The following ADAMTS2 variants were observed in gnomAD, a reference collection of about 807,000 sequenced individuals.
The protein encoded by ADAMTS2 is A disintegrin and metalloproteinase with thrombospondin motifs 2.
In ADAMTS2, 50 loss-of-function variants were observed where a neutral mutation model predicts 123.0. The ratio of observed to expected loss-of-function variants is 0.41; its 90% CI spans 0.32 to 0.51. The LOEUF (loss-of-function observed/expected upper bound fraction) is 0.51. ADAMTS2 is among the 20% of genes least tolerant of loss of function. The pLI, the probability that ADAMTS2 is intolerant of heterozygous loss-of-function variation, is 0.35. For synonymous variants in ADAMTS2, 678 were observed against 695.4 expected (o/e 0.98, Z 0.39); for missense variants, 1,494 against 1,705.2 (o/e 0.88, Z 2.18).
intron 3 of ADAMTS2, among the ~76,000 whole-genome samples, chr5:179,223,464 G>C (rs1053848063): frequency 4.9e-5 from 7 of 142,934 alleles, no homozygotes; most frequent in Non-Finnish European, 9.1e-5. Context: ...ACTCACACAC[G>C]AATGCACTCA....
At chr5:179,145,505 G>A (rs1763236317) in intron 10 of ADAMTS2, among the ~76,000 whole-genome samples, 1 of 152,192 alleles carries the variant, frequency 6.6e-6, no homozygotes, top group Non-Finnish European at 1.5e-5. Flanking sequence ...TACCCACACA[G>A]TGGATTAGTA....
At position 179,153,566 on chromosome 5, in the gene ADAMTS2, C is replaced by G. The variant is rs1177012501; in HGVS notation, c.1440G>C (p.Gln480His). 2 of 1,609,624 alleles carry G rather than the reference C, an allele frequency of 1.2e-6. No individual in the cohort carries two copies. Among genetic ancestry groups the G allele is most frequent in the Non-Finnish European group, 1.7e-6 (2 of 1,179,798 alleles). Residue 480 changes from glutamine to histidine, a missense_variant, in exon 9 of 22, where the codon CAG becomes CAC. Gln to His is a conservative substitution (Grantham distance 24). Coordinates refer to ENST00000251582, the MANE Select transcript of ADAMTS2 (RefSeq NM_014244.5). ...TCATGGAGTAGTGCAGTCCCGGGAGCTGGGGCAGCGCCGGCCAGTCGTGGG... is the reference window on the plus strand; with the variant it reads ...TCATGGAGTAGTGCAGTCCCGGGAGGTGGGGCAGCGCCGGCCAGTCGTGGG... ...PFAHDWPALP[Q>H]LPGLHYSMNE...
chr5:179,160,977 G>T (rs1763581703), intron 5 of ADAMTS2, among the ~76,000 whole-genome samples: 1 of 152,178 alleles, frequency 6.6e-6, no homozygotes. Context: ...TGTCACCTAG[G>T]ACCTGAGTGA....
chr5:179,292,943 G>A (rs190053364), intron 2 of ADAMTS2, among the ~76,000 whole-genome samples: 9 of 152,306 alleles, frequency 5.9e-5, no homozygotes, highest in Admixed American at 4.6e-4. Flanking sequence ...GCCATCCAAA[G>A]AGAAGCCCTC....
Position 179,170,168 on chromosome 5 carries a change from A to G in ADAMTS2, c.975+10904T>C, listed in dbSNP as rs1763786395. On this transcript the variant is annotated intron_variant, in intron 5 of 21. Transcript: ENST00000251582. The surrounding 1 kb of genome is among the most constrained non-coding windows in gnomAD (Gnocchi z 4.3). ...TTTTAGGAAAAACTTGAGATAACTC[A>G]GAGGCTTCTCATAAGCTAGAAGACA... 6.6e-6 allele frequency among the ~76,000 whole-genome samples: 1 copy of G among 152,252 alleles called. No individual in the cohort carries two copies. The highest frequency in any genetic ancestry group is 1.5e-5 in the Non-Finnish European group (1 of 68,050).
chr5:179,338,451 A>T (rs1426019019), intron 2 of ADAMTS2, among the ~76,000 whole-genome samples: 2 of 152,172 alleles, frequency 1.3e-5, no homozygotes, highest in Non-Finnish European at 2.9e-5. Flanking sequence ...ACTGCGCTGC[A>T]CTGCTGGATC....
rs1205513621 is a variant in ADAMTS2, at chr5:179,175,446, G to A, written c.975+5626C>T. 6.6e-6 allele frequency among the ~76,000 whole-genome samples: 1 copy of A among 152,196 alleles called. No homozygotes were observed. Among genetic ancestry groups the A allele is most frequent in the Non-Finnish European group, 1.5e-5 (1 of 68,036 alleles). On this transcript the variant is annotated intron_variant, in intron 5 of 21. Transcript: ENST00000251582. This position sits in a 1 kb window ranked among gnomAD's most constrained non-coding sequence, Gnocchi z 4.1. ...GGACAGCATTTGTGTCTTCATTTGT[G>A]ATCACTTTCTTCCTATCATTAATCA...
At chr5:179,322,492 A>C (rs1192309521) in intron 2 of ADAMTS2, among the ~76,000 whole-genome samples, 1 of 152,174 alleles carries the variant, frequency 6.6e-6, no homozygotes, top group African/African-American at 2.4e-5. Context: ...ACAAACCCTG[A>C]GCCACGCTGG....
intron 3 of ADAMTS2, among the ~76,000 whole-genome samples, chr5:179,231,918 GA>G (rs796604633): frequency 5.1e-4 from 50 of 97,278 alleles, no homozygotes; most frequent in East Asian, 4.5e-3. Flanking sequence ...CTGTCTCTAG[GA>G]AAAAAAAAAA....
chr5:179,198,900 C>T (rs1210261746), intron 4 of ADAMTS2, among the ~76,000 whole-genome samples: 1 of 152,020 alleles, frequency 6.6e-6, no homozygotes, highest in Non-Finnish European at 1.5e-5. Context: ...CGCCCCCTGC[C>T]TGCCACAGGC....
chr5:179,248,720 C>T (rs1402466466), intron 3 of ADAMTS2, among the ~76,000 whole-genome samples: 2 of 151,816 alleles, frequency 1.3e-5, no homozygotes, highest in Non-Finnish European at 2.9e-5. Flanking sequence ...CACCTAACAA[C>T]AGAATCCCAA....
At chr5:179,246,818 T>C (rs1368035405) in intron 3 of ADAMTS2, among the ~76,000 whole-genome samples, 2 of 152,208 alleles carry the variant, frequency 1.3e-5, no homozygotes, top group African/African-American at 4.8e-5. Flanking sequence ...ACAGAGACTT[T>C]GGTGGCCATA....
intron 2 of ADAMTS2, among the ~76,000 whole-genome samples, chr5:179,326,246 G>A (rs567795587): frequency 6.6e-6 from 1 of 150,836 alleles, no homozygotes; most frequent in African/African-American, 2.4e-5. Context: ...CCCCAGCCGG[G>A]CAGCTGCCCC....
intron 3 of ADAMTS2, among the ~76,000 whole-genome samples, chr5:179,219,861 A>G (rs1194847978): frequency 6.6e-6 from 1 of 151,824 alleles, no homozygotes; most frequent in Admixed American, 6.6e-5. Flanking sequence ...CCGCCGAACT[A>G]CCGAGGCTCC....
chr5:179,174,012 C>CAAAAAAAAAAAAAAAAACAAAAAA (rs371293189), intron 5 of ADAMTS2, among the ~76,000 whole-genome samples: 1 of 64,952 alleles, frequency 1.5e-5, no homozygotes, highest in Non-Finnish European at 3.2e-5. Flanking sequence ...GACTCCATCT[C>CAAAAAAAAAAAAAAAAACAAAAAA]AAAAAAAAAA....
intron 10 of ADAMTS2, among the ~76,000 whole-genome samples, chr5:179,144,098 C>G (rs190880350): frequency 2.0e-4 from 31 of 151,918 alleles, no homozygotes; most frequent in African/African-American, 7.2e-4. Flanking sequence ...GGAAACAAGA[C>G]CAATATACAA....
chr5:179,174,012 CAAA>C (rs371293189), intron 5 of ADAMTS2, among the ~76,000 whole-genome samples: 4 of 64,936 alleles, frequency 6.2e-5, no homozygotes, highest in Admixed American at 5.5e-4. Flanking sequence ...GACTCCATCT[CAAA>C]AAAAAAAAAA....
Position 179,158,443 on chromosome 5 carries a change from C to G in ADAMTS2, c.1132+280G>C, listed in dbSNP as rs1283082362. Among the ~76,000 whole-genome samples the G allele has an allele frequency of 6.6e-6, 1 of 152,138 alleles. No individual in the cohort carries two copies. The highest frequency in any genetic ancestry group is 1.5e-5 in the Non-Finnish European group (1 of 68,032). Reference sequence around the variant, plus strand: ...CTTTCTTTCCAAATTGGCCCCACACCATTTGTTAGGCTGTTTTCCTCCTCT... The same window carrying G: ...CTTTCTTTCCAAATTGGCCCCACACGATTTGTTAGGCTGTTTTCCTCCTCT... On this transcript the variant is annotated intron_variant, in intron 6 of 21. Transcript: ENST00000251582. The surrounding 1 kb of genome is among the most constrained non-coding windows in gnomAD (Gnocchi z 5.0).
At chr5:179,326,821 G>A (rs1006252267) in intron 2 of ADAMTS2, among the ~76,000 whole-genome samples, 1 of 152,104 alleles carries the variant, frequency 6.6e-6, no homozygotes, top group African/African-American at 2.4e-5. Context: ...CCAGCGCACG[G>A]GACCTTGCAG....
Sources: allele counts gnomAD v4.1 joint callset (sites outside exome capture counted in the v4.1 genomes callset), GRCh38; gene constraint gnomAD v4.1.1; non-coding constraint Gnocchi (gnomAD v3.1); transcripts MANE v1.5; gene names NCBI Gene and HGNC (gene_info 2026-07-23, HGNC 2026-07-21).